MSI2: variants seen among roughly 807,000 people sequenced by gnomAD.
MSI2 encodes RNA-binding protein Musashi homolog 2.
Under a neutral mutation model 45.6 loss-of-function variants are expected in MSI2, and 17 were observed. The observed-to-expected ratio is 0.37, with a 90% CI of 0.26 to 0.56. The LOEUF is 0.56. Among genes scored for constraint, MSI2 ranks in the 20% least tolerant of loss-of-function variants. MSI2 has a pLI of 0.77. For synonymous variants in MSI2, 156 were observed against 158.2 expected, an observed-to-expected ratio of 0.99 and a Z score of 0.11; for missense variants, 293 against 444.2, an observed-to-expected ratio of 0.66 and a Z score of 3.06.
rs557022376 is a variant in MSI2 at position 57,308,075 on chromosome 17, C to T, written c.312+45883C>T. 2.0e-5 allele frequency among the ~76,000 whole-genome samples: 3 copies of T among 152,310 alleles called. No homozygotes were observed. The East Asian group carries it at 5.8e-4, about 29-fold the overall frequency. On this transcript the variant is annotated intron_variant, in intron 5 of 13. Transcript: ENST00000284073. ...GGATTTTTGACCCTTTGTGGTCAGA[C>T]AGACCTGAGTTGGAGTCCTGGCCCC...
intron 7 of MSI2, among the ~76,000 whole-genome samples, chr17:57,591,921 C>T (rs1164385586): frequency 1.3e-5 from 2 of 151,894 alleles, no homozygotes; most frequent in Non-Finnish European, 2.9e-5. Flanking sequence ...TGGCTCAATC[C>T]CAGCACTTTG....
chr17:57,537,919 AG>A (rs1392813584), intron 7 of MSI2, among the ~76,000 whole-genome samples: 1 of 152,230 alleles, frequency 6.6e-6, no homozygotes, highest in Non-Finnish European at 1.5e-5. Flanking sequence ...TTGGAATAAA[AG>A]CCCTGGCACC....
intron 7 of MSI2, among the ~76,000 whole-genome samples, chr17:57,575,940 G>A (rs963783902): frequency 1.7e-3 from 128 of 73,796 alleles, no homozygotes; most frequent in Non-Finnish European, 2.6e-3. Flanking sequence ...GCGAGACTCC[G>A]TCTCAAAAAA....
chr17:57,353,463 A>G lies in MSI2; in HGVS notation c.313-47916A>G, dbSNP rs1014238238. On this transcript the variant is annotated intron_variant, in intron 5 of 13. Transcript: ENST00000284073. ...AAAGATGGACTTGGTGCACTGATAC[A>G]TGGTTCAGTTAGGAACAGATAGTGG... Among the ~76,000 whole-genome samples, 4 of 152,312 alleles carry G rather than the reference A, an allele frequency of 2.6e-5. No individual in the cohort carries two copies. The South Asian group carries it at 8.3e-4, about 32-fold the overall frequency.
chr17:57,635,903 G>A lies in MSI2; in HGVS notation c.727+8600G>A, dbSNP rs60710835. On this transcript the variant is annotated intron_variant, in intron 10 of 13. Coordinates refer to ENST00000284073, the MANE Select transcript of MSI2 (RefSeq NM_138962.4). ...GATTGCTGTACCAGGAAGGACTCAC[G>A]GCCTGTCTGCCATGTAGCTTGCCTT... is the stretch of plus-strand genomic sequence containing the variant. Among the ~76,000 whole-genome samples the A allele has an allele frequency of 7.3e-3, 1,111 of 152,330 alleles. 12 individuals are homozygous for A. The highest frequency in any genetic ancestry group is 0.025 in the African/African-American group (1,049 of 41,556).
chr17:57,320,353 G>A (rs550148136), intron 5 of MSI2, among the ~76,000 whole-genome samples: 1 of 152,280 alleles, frequency 6.6e-6, no homozygotes, highest in South Asian at 2.1e-4. Context: ...AGGGAGGAGA[G>A]TTATTTTTAT....
intron 6 of MSI2, among the ~76,000 whole-genome samples, chr17:57,459,683 C>G (rs184876675): frequency 1.8e-4 from 27 of 152,244 alleles, no homozygotes; most frequent in Admixed American, 1.5e-3. Context: ...TAGAGTCATG[C>G]AGAACATTTA....
intron 6 of MSI2, among the ~76,000 whole-genome samples, chr17:57,472,553 A>G (rs2586230): frequency 0.78 from 118,199 of 152,172 alleles, 46,351 homozygotes; most frequent in East Asian, 0.91. Context: ...TTTGGGGCCA[A>G]CCCCATCTGG....
chr17:57,676,649 C>T (rs1156919736), intron 12 of MSI2, among the ~76,000 whole-genome samples: 1 of 152,214 alleles, frequency 6.6e-6, no homozygotes, highest in African/African-American at 2.4e-5. Context: ...GTTGGGACTG[C>T]GGACAGAGAC....
intron 7 of MSI2, among the ~76,000 whole-genome samples, chr17:57,557,691 T>C (rs557747508): frequency 6.6e-6 from 1 of 152,318 alleles, no homozygotes; most frequent in South Asian, 2.1e-4. Flanking sequence ...CAGGTGTACA[T>C]TCGCTCCCCA....
downstream of MSI2, among the ~76,000 whole-genome samples, chr17:57,688,604 A>G (rs1243319222): frequency 6.6e-6 from 1 of 152,174 alleles, no homozygotes; most frequent in African/African-American, 2.4e-5. Context: ...AAGGTAAAAT[A>G]TCTTTGAAAA....
At chr17:57,530,718 C>A (rs1015276954) in intron 7 of MSI2, among the ~76,000 whole-genome samples, 1 of 152,132 alleles carries the variant, frequency 6.6e-6, no homozygotes, top group Admixed American at 6.5e-5. Flanking sequence ...CTGCTGTCAC[C>A]TGTGATTAGA....
rs1164949594 is a variant in MSI2, at chr17:57,552,072, G to A, written c.454+22348G>A. 6.6e-6 allele frequency among the ~76,000 whole-genome samples: 1 copy of A among 152,122 alleles called. No individual in the cohort carries two copies. Among genetic ancestry groups the A allele is most frequent in the Non-Finnish European group, 1.5e-5 (1 of 68,000 alleles). On this transcript the variant is annotated intron_variant, in intron 7 of 13. Transcript: ENST00000284073. The surrounding 1 kb of genome is among the most constrained non-coding windows in gnomAD (Gnocchi z 4.3). ...GCTGGACCTAGAGCCCCTCGTCCTG[G>A]GGCTCAAGGACCCAGCTCATGTGAC...
chr17:57,691,193 TCTCTCTC>T, the MSI2 span, among the ~76,000 whole-genome samples: 1 of 133,236 alleles, frequency 7.5e-6, no homozygotes, highest in Non-Finnish European at 1.6e-5. Context: ...TCTCTCTCTC[TCTCTCTC>T]ATCTATCTAT....
chr17:57,446,739 G>C (rs2084907106), intron 6 of MSI2, among the ~76,000 whole-genome samples: 1 of 152,212 alleles, frequency 6.6e-6, no homozygotes, highest in African/African-American at 2.4e-5. Flanking sequence ...AAAAGCAGGG[G>C]CTCTGAAGGA....
chr17:57,408,511 CT>C (rs1246152642), intron 6 of MSI2, among the ~76,000 whole-genome samples: 1 of 150,964 alleles, frequency 6.6e-6, no homozygotes, highest in African/African-American at 2.4e-5. Context: ...GCTGTATTTA[CT>C]TTTTCTGCTG....
At chr17:57,418,375 A>G (rs1199216444) in intron 6 of MSI2, among the ~76,000 whole-genome samples, 1 of 152,266 alleles carries the variant, frequency 6.6e-6, no homozygotes, top group Non-Finnish European at 1.5e-5. Context: ...GGCACATGTC[A>G]GAAAGGTACA....
At chr17:57,435,132 C>G (rs1280224445) in intron 6 of MSI2, among the ~76,000 whole-genome samples, 1 of 151,970 alleles carries the variant, frequency 6.6e-6, no homozygotes, top group African/African-American at 2.4e-5. Context: ...TTGATCTTCC[C>G]TTGAGTTGCA....
At chr17:57,340,825 TATC>T (rs1459452790) in intron 5 of MSI2, among the ~76,000 whole-genome samples, 1 of 152,174 alleles carries the variant, frequency 6.6e-6, no homozygotes, top group Non-Finnish European at 1.5e-5. Context: ...CAGACATTCT[TATC>T]AGCGCATCTG....
Sources: allele counts gnomAD v4.1 joint callset (sites outside exome capture counted in the v4.1 genomes callset), GRCh38; gene constraint gnomAD v4.1.1; non-coding constraint Gnocchi (gnomAD v3.1); transcripts MANE v1.5; gene names NCBI Gene and HGNC (gene_info 2026-07-23, HGNC 2026-07-21).